The following MSI2 variants were observed in gnomAD, a reference collection of about 807,000 sequenced individuals.
The protein encoded by MSI2 is RNA-binding protein Musashi homolog 2.
In MSI2, 17 loss-of-function variants were observed where a neutral mutation model predicts 45.6. That is an observed-to-expected ratio of 0.37 (90% CI 0.26 to 0.56). The LOEUF (loss-of-function observed/expected upper bound fraction) is 0.56, where lower values mean the gene tolerates loss of function less well. Ranked by LOEUF, MSI2 falls within the 20% of genes least tolerant of loss-of-function variation. The pLI, the probability that MSI2 is intolerant of heterozygous loss-of-function variation, is 0.77. For synonymous variants in MSI2, 156 were observed against 158.2 expected (o/e 0.99, Z 0.11); for missense variants, 293 against 444.2 (o/e 0.66, Z 3.06).
chr17:57,311,946 C>T (rs529212214), intron 5 of MSI2, among the ~76,000 whole-genome samples: 1 of 152,324 alleles, frequency 6.6e-6, no homozygotes, highest in South Asian at 2.1e-4. Context: ...GATCCTCTCA[C>T]CTTGGACTCC....
chr17:57,417,213 G>T (rs527779972), intron 6 of MSI2, among the ~76,000 whole-genome samples: 1 of 152,292 alleles, frequency 6.6e-6, no homozygotes, highest in African/African-American at 2.4e-5. Flanking sequence ...AAAGGTGCTT[G>T]ACAGACATTT....
chr17:57,291,062 C>G (rs1910377571), intron 5 of MSI2, among the ~76,000 whole-genome samples: 1 of 152,164 alleles, frequency 6.6e-6, no homozygotes, highest in Admixed American at 6.5e-5. Context: ...TCTCCTCTGG[C>G]CCATGGAGTG....
At chr17:57,465,870 C>T (rs554885311) in intron 6 of MSI2, among the ~76,000 whole-genome samples, 6 of 152,260 alleles carry the variant, frequency 3.9e-5, no homozygotes, top group Non-Finnish European at 7.4e-5. Context: ...TTTTAGAGAA[C>T]GTTAGCTCAG....
At chr17:57,408,813 A>G (rs2084133806) in intron 6 of MSI2, among the ~76,000 whole-genome samples, 1 of 152,200 alleles carries the variant, frequency 6.6e-6, no homozygotes, top group African/African-American at 2.4e-5. Flanking sequence ...GAGAAAGCGC[A>G]GTTCATTTAG....
chr17:57,430,763 A>G (rs2084579481), intron 6 of MSI2, among the ~76,000 whole-genome samples: 1 of 152,122 alleles, frequency 6.6e-6, no homozygotes, highest in Admixed American at 6.5e-5. Context: ...TTGCCCTCTG[A>G]CCCAAGGATG....
Position 57,401,359 on chromosome 17 carries a change from TC to T in MSI2, c.313-19del, listed in dbSNP as rs1299717256. 1 of 1,606,738 alleles carries T rather than the reference TC, an allele frequency of 6.2e-7. No individual in the cohort carries two copies. The highest frequency in any genetic ancestry group is 1.3e-5 in the African/African-American group (1 of 74,802). ...AGATAACCTGGTTAACCCATGCCTT[TC>T]TCTTGTCATTTCTTGCAGATGGTCA... On this transcript the variant is annotated intron_variant, in intron 5 of 13. Transcript: ENST00000284073.
intron 1 of MSI2, 86 bp from the exon 2 acceptor site, chr17:57,257,012 C>G (rs375033911): frequency 1.3e-5 from 21 of 1,603,754 alleles, no homozygotes; most frequent in East Asian, 6.9e-5. Context: ...CGCTCCCCCC[C>G]GCTTTCCTTT....
chr17:57,646,796 C>A (rs1335554309), intron 10 of MSI2, among the ~76,000 whole-genome samples: 2 of 152,136 alleles, frequency 1.3e-5, no homozygotes, highest in African/African-American at 4.8e-5. Context: ...TGGAATTCCA[C>A]CATTAGTGCT....
intron 6 of MSI2, among the ~76,000 whole-genome samples, chr17:57,416,233 G>A (rs1368281983): frequency 6.6e-6 from 1 of 152,204 alleles, no homozygotes; most frequent in Non-Finnish European, 1.5e-5. Context: ...ATATTTGTAG[G>A]GGGTTGTTTG....
At position 57,529,273 on chromosome 17, in the gene MSI2, A is replaced by G. The variant is rs1484164236; in HGVS notation, c.406-403A>G. Among the ~76,000 whole-genome samples, 2 of 152,100 alleles carry G rather than the reference A, an allele frequency of 1.3e-5. No individual in the cohort carries two copies. Among genetic ancestry groups the G allele is most frequent in the Non-Finnish European group, 2.9e-5 (2 of 68,016 alleles). The stretch of plus-strand genomic sequence containing the variant: ...CAACATAGTGGGACCCTGTCTCTAA[A>G]AAAATAAAATAAAATAACTGGGCAT... On this transcript the variant is annotated intron_variant, in intron 6 of 13. Transcript: ENST00000284073. The surrounding 1 kb of genome is among the most constrained non-coding windows in gnomAD (Gnocchi z 5.3).
chr17:57,563,741 G>GGCGCGCGCACACACAGGC (rs1410055465), intron 7 of MSI2, among the ~76,000 whole-genome samples: 1 of 100,908 alleles, frequency 9.9e-6, no homozygotes, highest in African/African-American at 4.6e-5. Flanking sequence ...CACACACACA[G>GGCGCGCGCACACACAGGC]GCGCGCACAC....
chr17:57,616,411 C>T (rs558393193), intron 9 of MSI2: 144 of 181,654 alleles, frequency 7.9e-4, no homozygotes, highest in African/African-American at 3.0e-3. Flanking sequence ...CTCTATCTGC[C>T]TCAGCCCTCT....
At chr17:57,632,274 G>A (rs765111458) in intron 10 of MSI2, 23 of 1,079,858 alleles carry the variant, frequency 2.1e-5, no homozygotes, top group Admixed American at 1.6e-4. Flanking sequence ...TGGAGCACCC[G>A]TGTCTTACGA....
intron 6 of MSI2, among the ~76,000 whole-genome samples, chr17:57,500,775 C>T (rs886272359): frequency 2.9e-5 from 4 of 135,888 alleles, no homozygotes; most frequent in Admixed American, 2.4e-4. Context: ...GAGTTCGAGG[C>T]CACCCTGTCT....
At chr17:57,444,995 C>G (rs2084869737) in intron 6 of MSI2, among the ~76,000 whole-genome samples, 1 of 152,144 alleles carries the variant, frequency 6.6e-6, no homozygotes, top group Non-Finnish European at 1.5e-5. Flanking sequence ...CCTCACAATG[C>G]TGAATTTTTA....
chr17:57,548,789 C>T (rs1031677240), intron 7 of MSI2, among the ~76,000 whole-genome samples: 1 of 151,638 alleles, frequency 6.6e-6, no homozygotes, highest in Non-Finnish European at 1.5e-5. Context: ...GGAGTCAGCC[C>T]GGATAACCCC....
chr17:57,457,948 G>T (rs538285789), intron 6 of MSI2, among the ~76,000 whole-genome samples: 4 of 151,894 alleles, frequency 2.6e-5, no homozygotes, highest in Non-Finnish European at 4.4e-5. Context: ...AAACTAAGAA[G>T]TCAGATGAAT....
intron 5 of MSI2, among the ~76,000 whole-genome samples, chr17:57,271,982 G>A (rs1474923696): frequency 1.3e-5 from 2 of 152,128 alleles, no homozygotes; most frequent in East Asian, 3.8e-4. Context: ...GGGGAACAGA[G>A]TGCAGAAAGA....
At chr17:57,264,046 G>A (rs1907553731) in intron 5 of MSI2, 1 of 152,220 alleles carries the variant, frequency 6.6e-6, no homozygotes, top group South Asian at 2.1e-4. Context: ...CTGTAAAGTA[G>A]GAGTGATGAC....
Sources: allele counts gnomAD v4.1 joint callset (sites outside exome capture counted in the v4.1 genomes callset), GRCh38; gene constraint gnomAD v4.1.1; non-coding constraint Gnocchi (gnomAD v3.1); transcripts MANE v1.5; gene names NCBI Gene and HGNC (gene_info 2026-07-23, HGNC 2026-07-21).